Variants in EFNA5 observed in about 807,000 individuals in gnomAD.
The protein encoded by EFNA5 is ephrin-A5.
EFNA5 carries 5 observed loss-of-function variants against 22.9 expected under a neutral mutation model. That is an observed-to-expected ratio of 0.22 (90% CI 0.11 to 0.46). EFNA5 has a LOEUF of 0.46. Among genes scored for constraint, EFNA5 ranks in the 20% least tolerant of loss-of-function variants. EFNA5 has a pLI of 0.99. For missense variants in EFNA5, 237 were observed against 293.3 expected (o/e 0.81, Z 1.40); for synonymous variants, 113 against 112.2 (o/e 1.01, Z -0.04).
intron 1 of EFNA5, among the ~76,000 whole-genome samples, chr5:107,586,464 C>A (rs1228662993): frequency 4.6e-5 from 7 of 152,186 alleles, no homozygotes; most frequent in Admixed American, 4.6e-4. Flanking sequence ...GAACTATGAA[C>A]AGAGGGTAAA....
chr5:107,503,956 A>G (rs1747195983), intron 1 of EFNA5, among the ~76,000 whole-genome samples: 1 of 152,204 alleles, frequency 6.6e-6, no homozygotes, highest in Non-Finnish European at 1.5e-5. Flanking sequence ...TGAATTAGCT[A>G]CCTTTAAACT....
intron 1 of EFNA5, among the ~76,000 whole-genome samples, chr5:107,548,986 A>G (rs1449338628): frequency 6.6e-6 from 1 of 152,196 alleles, no homozygotes; most frequent in Non-Finnish European, 1.5e-5. Flanking sequence ...ACACATACAC[A>G]TTTTTGCAAT....
intron 1 of EFNA5, among the ~76,000 whole-genome samples, chr5:107,569,507 ATT>A (rs1255567792): frequency 2.3e-4 from 30 of 130,006 alleles, no homozygotes; most frequent in Non-Finnish European, 4.6e-4. Context: ...GTGTATATAT[ATT>A]TATATATGTG....
chr5:107,606,106 C>G (rs939558564), intron 1 of EFNA5, among the ~76,000 whole-genome samples: 2 of 152,190 alleles, frequency 1.3e-5, no homozygotes, highest in African/African-American at 4.8e-5. Flanking sequence ...CCCAATCATC[C>G]AGCTACTCAA....
intron 1 of EFNA5, among the ~76,000 whole-genome samples, chr5:107,613,973 C>T (rs1561449753): frequency 6.6e-6 from 1 of 152,094 alleles, no homozygotes; most frequent in Non-Finnish European, 1.5e-5. Flanking sequence ...AAAATCAGTA[C>T]CCTGCATAAA....
intron 1 of EFNA5, among the ~76,000 whole-genome samples, chr5:107,600,373 G>A (rs963744219): frequency 3.3e-5 from 5 of 152,198 alleles, no homozygotes; most frequent in Admixed American, 3.3e-4. Flanking sequence ...AACCTAAGAA[G>A]AGGAACTGTT....
intron 1 of EFNA5, among the ~76,000 whole-genome samples, chr5:107,440,919 G>A (rs919220066): frequency 6.6e-6 from 1 of 151,426 alleles, no homozygotes; most frequent in Non-Finnish European, 1.5e-5. Flanking sequence ...AATTTTACTT[G>A]TTGATGTTTT....
At chr5:107,591,999 A>AT (rs1561443182) in intron 1 of EFNA5, among the ~76,000 whole-genome samples, 6 of 41,064 alleles carry the variant, frequency 1.5e-4, no homozygotes, top group African/African-American at 8.9e-4. Context: ...TAATATATAT[A>AT]ATATATAATA....
intron 1 of EFNA5, among the ~76,000 whole-genome samples, chr5:107,509,372 G>T (rs1007581494): frequency 6.6e-6 from 1 of 150,510 alleles, no homozygotes; most frequent in African/African-American, 2.4e-5. Flanking sequence ...AGGCTGCAGT[G>T]CAATGGTGCG....
At chr5:107,623,691 A>G (rs1750086346) in intron 1 of EFNA5, among the ~76,000 whole-genome samples, 2 of 150,956 alleles carry the variant, frequency 1.3e-5, no homozygotes, top group African/African-American at 2.4e-5. Flanking sequence ...ATTTTTTAAA[A>G]GAGGAGGGGG....
At chr5:107,597,103 A>G (rs1317788448) in intron 1 of EFNA5, among the ~76,000 whole-genome samples, 2 of 152,184 alleles carry the variant, frequency 1.3e-5, no homozygotes, top group Non-Finnish European at 2.9e-5. Flanking sequence ...ACGCACATAA[A>G]AACTGTTTTA....
intron 2 of EFNA5, among the ~76,000 whole-genome samples, chr5:107,401,365 A>C (rs1443096768): frequency 6.6e-6 from 1 of 152,220 alleles, no homozygotes; most frequent in African/African-American, 2.4e-5. Context: ...AGAGGTCTCA[A>C]TTGAAATTGG....
At chr5:107,481,387 G>A (rs1334469704) in intron 1 of EFNA5, among the ~76,000 whole-genome samples, 1 of 152,174 alleles carries the variant, frequency 6.6e-6, no homozygotes, top group Non-Finnish European at 1.5e-5. Flanking sequence ...ATCACAGCAA[G>A]TGTGCCTTTG....
At chr5:107,650,627 T>C (rs549206739) in intron 1 of EFNA5, among the ~76,000 whole-genome samples, 4 of 152,326 alleles carry the variant, frequency 2.6e-5, no homozygotes, top group Non-Finnish European at 5.9e-5. Flanking sequence ...TATATTGTTA[T>C]TATGTAAACC....
chr5:107,562,001 C>A (rs570763573), intron 1 of EFNA5, among the ~76,000 whole-genome samples: 1 of 152,130 alleles, frequency 6.6e-6, no homozygotes, highest in Admixed American at 6.5e-5. Context: ...GGGGATGGGA[C>A]GCACCCTGCC....
intron 2 of EFNA5, among the ~76,000 whole-genome samples, chr5:107,414,579 T>C (rs554671938): frequency 1.6e-4 from 25 of 152,180 alleles, no homozygotes; most frequent in African/African-American, 2.7e-4. Context: ...TGTCCTTCTA[T>C]AGCCACTGTA....
intron 1 of EFNA5, among the ~76,000 whole-genome samples, chr5:107,472,381 ATAGTAT>A (rs1247660723): frequency 2.0e-5 from 3 of 152,204 alleles, no homozygotes; most frequent in Non-Finnish European, 2.9e-5. Context: ...AATAATGTTA[ATAGTAT>A]TAGTGATGAT....
intron 2 of EFNA5, among the ~76,000 whole-genome samples, chr5:107,391,279 G>A (rs940337304): frequency 1.3e-5 from 2 of 152,090 alleles, no homozygotes; most frequent in Admixed American, 6.6e-5. Flanking sequence ...CTTCAAGCTG[G>A]GACATAAATA....
intron 1 of EFNA5, among the ~76,000 whole-genome samples, chr5:107,432,723 A>T (rs154645): frequency 2.6e-5 from 4 of 152,062 alleles, no homozygotes; most frequent in African/African-American, 9.6e-5. Context: ...AAAGATGGTC[A>T]CTGCTCCCCA....
Sources: gnomAD v4.1 joint callset for allele counts (sites outside exome capture counted in the v4.1 genomes callset) on GRCh38, gnomAD v4.1.1 for gene constraint, MANE v1.5 for transcripts, NCBI Gene and HGNC (gene_info 2026-07-23, HGNC 2026-07-21) for gene names.